POU2AF2: variants seen among roughly 807,000 people sequenced by gnomAD.
The protein encoded by POU2AF2 is POU domain class 2-associating factor 2.
chr11:111,272,114 G>C, the POU2AF2 span, among the ~76,000 whole-genome samples: 4 of 152,162 alleles, frequency 2.6e-5, 1 homozygote, highest in South Asian at 8.3e-4. Flanking sequence ...CCAGGTATGT[G>C]ACATGCAGTT....
the POU2AF2 span, among the ~76,000 whole-genome samples, chr11:111,280,422 C>G: frequency 1.3e-5 from 2 of 152,148 alleles, no homozygotes; most frequent in Non-Finnish European, 2.9e-5. Flanking sequence ...TAACTGCAGT[C>G]TGAACATACT....
the POU2AF2 span, among the ~76,000 whole-genome samples, chr11:111,281,142 T>A: frequency 1.1e-4 from 17 of 152,166 alleles, no homozygotes; most frequent in Non-Finnish European, 1.9e-4. Context: ...AGATGAAGGA[T>A]AAATTACTAC....
At chr11:111,284,314 C>T in the POU2AF2 span, 1 of 1,611,078 alleles carries the variant, frequency 6.2e-7, no homozygotes, top group Admixed American at 1.7e-5. Flanking sequence ...CTCTGTTCAG[C>T]GCCTCGCCCC....
chr11:111,281,565 T>C, the POU2AF2 span: 1 of 1,065,780 alleles, frequency 9.4e-7, no homozygotes, highest in Middle Eastern at 2.1e-4. Flanking sequence ...TAGTTTTGTC[T>C]AAAATACAAA....
At chr11:111,255,945 T>G in the POU2AF2 span, 15 of 399,090 alleles carry the variant, frequency 3.8e-5, no homozygotes, top group East Asian at 5.0e-4. Context: ...ACCTAATGAT[T>G]CCATCCACAT....
chr11:111,282,937 G>T, the POU2AF2 span, among the ~76,000 whole-genome samples: 2 of 152,104 alleles, frequency 1.3e-5, no homozygotes, highest in Non-Finnish European at 2.9e-5. Context: ...GAGCTACGGG[G>T]TCAGAAAGTG....
At chr11:111,250,155 T>C in the POU2AF2 span, among the ~76,000 whole-genome samples, 1 of 152,200 alleles carries the variant, frequency 6.6e-6, no homozygotes, top group Non-Finnish European at 1.5e-5. Context: ...ACTTCTCTTA[T>C]TAATCATAGT....
the POU2AF2 span, among the ~76,000 whole-genome samples, chr11:111,261,362 T>A: frequency 6.6e-6 from 1 of 152,140 alleles, no homozygotes; most frequent in East Asian, 1.9e-4. Flanking sequence ...AAGCTAAACA[T>A]CGAATTATTT....
chr11:111,268,816 G>A, the POU2AF2 span, among the ~76,000 whole-genome samples: 26 of 151,870 alleles, frequency 1.7e-4, no homozygotes, highest in African/African-American at 5.1e-4. Context: ...CCAAAGTGCC[G>A]GGATTACAGA....
the POU2AF2 span, among the ~76,000 whole-genome samples, chr11:111,276,552 G>A: frequency 2.8e-5 from 4 of 144,010 alleles, no homozygotes. Flanking sequence ...TGAGAGAGGA[G>A]AATCGCTTGA....
the POU2AF2 span, among the ~76,000 whole-genome samples, chr11:111,264,475 G>A: frequency 1.4e-5 from 2 of 147,704 alleles, no homozygotes; most frequent in Non-Finnish European, 3.0e-5. Flanking sequence ...CAGACTGGGT[G>A]ACAGAGCAAG....
At chr11:111,280,190 C>T in the POU2AF2 span, among the ~76,000 whole-genome samples, 1 of 151,296 alleles carries the variant, frequency 6.6e-6, no homozygotes, top group East Asian at 1.9e-4. Flanking sequence ...ATTTTTCTTA[C>T]GTCTATTATG....
the POU2AF2 span, among the ~76,000 whole-genome samples, chr11:111,250,028 A>G: frequency 2.6e-5 from 4 of 152,174 alleles, no homozygotes; most frequent in Non-Finnish European, 5.9e-5. Flanking sequence ...CCAGGTTCTC[A>G]TATCTCCAGA....
At chr11:111,279,675 T>A in the POU2AF2 span, among the ~76,000 whole-genome samples, 3 of 152,198 alleles carry the variant, frequency 2.0e-5, no homozygotes, top group Non-Finnish European at 2.9e-5. Flanking sequence ...TAATATGACC[T>A]CATCTTAATT....
the POU2AF2 span, chr11:111,256,045 C>A: frequency 2.5e-6 from 1 of 399,170 alleles, no homozygotes; most frequent in African/African-American, 2.1e-5. Flanking sequence ...AGTCAAAGAT[C>A]TCCTGGCAGA....
chr11:111,249,685 C>A, the POU2AF2 span, among the ~76,000 whole-genome samples: 1 of 152,190 alleles, frequency 6.6e-6, no homozygotes, highest in Non-Finnish European at 1.5e-5. Flanking sequence ...TCATTTATTT[C>A]ATAAGCATTT....
chr11:111,286,196 T>C, the POU2AF2 span: 8 of 892,462 alleles, frequency 9.0e-6, no homozygotes, highest in Non-Finnish European at 1.3e-5. Flanking sequence ...GGGCATTTAT[T>C]TGTAATCCTC....
At chr11:111,258,420 A>T in the POU2AF2 span, among the ~76,000 whole-genome samples, 3 of 152,212 alleles carry the variant, frequency 2.0e-5, no homozygotes, top group African/African-American at 7.2e-5. Flanking sequence ...CACACCTTGT[A>T]TCATTATCAA....
the POU2AF2 span, among the ~76,000 whole-genome samples, chr11:111,280,591 G>A: frequency 6.6e-6 from 1 of 152,146 alleles, no homozygotes; most frequent in African/African-American, 2.4e-5. Context: ...CTGCCCGTTA[G>A]TGTCTCAGTA....
Sources: allele counts gnomAD v4.1 joint callset (sites outside exome capture counted in the v4.1 genomes callset), GRCh38; gene constraint gnomAD v4.1.1; transcripts MANE v1.5; gene names NCBI Gene and HGNC (gene_info 2026-07-23, HGNC 2026-07-21).